TMOD2: variants seen among roughly 807,000 people sequenced by gnomAD.
TMOD2 encodes tropomodulin-2.
TMOD2 carries 22 observed loss-of-function variants against 39.9 expected under a neutral mutation model. The ratio of observed to expected loss-of-function variants is 0.55; its 90% CI spans 0.39 to 0.79. The LOEUF is 0.79. Ranked by LOEUF, TMOD2 falls within the 30% of genes least tolerant of loss-of-function variation. TMOD2 has a pLI of 0.00. For missense variants in TMOD2, 386 were observed against 413.3 expected (o/e 0.93, Z 0.57); for synonymous variants, 123 against 146.1 (o/e 0.84, Z 1.14).
chr15:51,776,987 C>A lies in TMOD2; in HGVS notation c.462C>A (p.Ala154=), dbSNP rs114076275. The change falls in exon 5 of 10, where the codon GCC becomes GCA. Residue 154 remains alanine (A), a synonymous_variant. Transcript: ENST00000249700. The stretch of plus-strand genomic sequence containing the variant: ...ATCCAAAGTTCGATGAAGAAACAGC[C>A]AACAATAAAGGTGGCAAAGGACCTG... ...LNNPKFDEET[A]NNKGGKGPVR... is the part of the protein sequence containing the mutation. 82 of 1,613,856 alleles carry A rather than the reference C, an allele frequency of 5.1e-5. No individual in the cohort carries two copies. The African/African-American group carries it at 9.6e-4, about 19-fold the overall frequency.
chr15:51,808,297 A>C (rs1369954065), intron 9 of TMOD2, 123 bp from the exon 10 acceptor site: 2 of 690,104 alleles, frequency 2.9e-6, no homozygotes, highest in East Asian at 2.8e-5. Flanking sequence ...TTAAGTATTA[A>C]AATTTAAGAT....
chr15:51,798,652 C>T (rs2056068317), intron 8 of TMOD2, among the ~76,000 whole-genome samples: 1 of 152,202 alleles, frequency 6.6e-6, no homozygotes, highest in South Asian at 2.1e-4. Flanking sequence ...TTTATTCAGT[C>T]TCATCATTGT....
chr15:51,768,582 G>A (rs1381881588), intron 3 of TMOD2, among the ~76,000 whole-genome samples, 164 bp downstream of exon 3: 1 of 151,984 alleles, frequency 6.6e-6, no homozygotes, highest in East Asian at 1.9e-4. Flanking sequence ...ATTGGATTCA[G>A]TATTTATTTT....
At position 51,810,495 on chromosome 15, in the gene TMOD2, G is replaced by A. The variant is rs1824484870; in HGVS notation, c.*2041G>A. 1 of 152,048 alleles carries A rather than the reference G, an allele frequency of 6.6e-6. No individual in the cohort carries two copies. The highest frequency in any genetic ancestry group is 2.4e-5 in the African/African-American group (1 of 41,402). The allele number at this position is 152,048 out of a possible 1,614,324, so 9.4% of individuals were successfully genotyped here. ...ACTACAGTGGCTTGAAATTGGCCAT[G>A]GTAGAAATATTTACACCACAGAAAT... On this transcript the variant is annotated 3_prime_UTR_variant, in exon 10 of 10. Transcript: ENST00000249700.
intron 1 of TMOD2, among the ~76,000 whole-genome samples, chr15:51,762,060 A>G (rs1268022823): frequency 6.6e-6 from 1 of 151,802 alleles, no homozygotes; most frequent in Non-Finnish European, 1.5e-5. Flanking sequence ...GAGGCAGGAG[A>G]ATGGCATGAA....
At chr15:51,787,319 A>G (rs1041019414) in intron 7 of TMOD2, among the ~76,000 whole-genome samples, 3 of 152,146 alleles carry the variant, frequency 2.0e-5, no homozygotes, top group Non-Finnish European at 2.9e-5. Flanking sequence ...TGGCATTTCT[A>G]TGCTCACAGT....
chr15:51,752,614 C>G (rs1409817632), intron 1 of TMOD2: 1 of 152,212 alleles, frequency 6.6e-6, no homozygotes, highest in African/African-American at 2.4e-5. Context: ...GTCCCTCCAC[C>G]TCTCTGGGCC....
chr15:51,801,229 T>TCACACA lies in TMOD2; in HGVS notation c.876+2890_876+2891insACACAC, dbSNP rs1391987137. On this transcript the variant is annotated intron_variant, in intron 8 of 9. Coordinates refer to ENST00000249700, the MANE Select transcript of TMOD2 (RefSeq NM_014548.4). The stretch of plus-strand genomic sequence containing the variant: ...TTCATTCTCTCTCCCTCTCTCTCTC[T>TCACACA]CTCTCTCTCACACACACACACACAC... Among the ~76,000 whole-genome samples, 288 of 98,476 alleles carry TCACACA rather than the reference T, an allele frequency of 2.9e-3. 1 individual carries two copies. The highest frequency in any genetic ancestry group is 7.5e-3 in the African/African-American group (158 of 21,034). 64.6% of individuals were successfully genotyped at this position (98,476 alleles called of 152,430 possible). A position where few individuals can be genotyped will look rare whatever the true frequency, so the allele number is the denominator to read the frequency against.
chr15:51,790,550 C>CA (rs2056003540), intron 7 of TMOD2, among the ~76,000 whole-genome samples: 1 of 151,822 alleles, frequency 6.6e-6, no homozygotes, highest in Non-Finnish European at 1.5e-5. Context: ...AGAGACACAA[C>CA]AAAAAAAGAG....
chr15:51,803,113 G>A (rs189494558), intron 8 of TMOD2, among the ~76,000 whole-genome samples: 125 of 151,676 alleles, frequency 8.2e-4, no homozygotes, highest in African/African-American at 2.9e-3. Flanking sequence ...AATAAAAGAT[G>A]GTGGGATAAT....
intron 7 of TMOD2, 109 bp downstream of exon 7, chr15:51,782,937 TAC>T (rs2055941487): frequency 9.9e-7 from 1 of 1,011,854 alleles, no homozygotes; most frequent in African/African-American, 1.6e-5. Flanking sequence ...ACTTACCTTC[TAC>T]ACAGTTAGTG....
intron 4 of TMOD2, among the ~76,000 whole-genome samples, chr15:51,776,324 G>A (rs756193779): frequency 3.9e-5 from 6 of 152,186 alleles, no homozygotes; most frequent in South Asian, 4.1e-4. Flanking sequence ...AGTCAGCCCC[G>A]CATTCATTCT....
intron 7 of TMOD2, among the ~76,000 whole-genome samples, chr15:51,796,530 A>G (rs1260609710): frequency 6.6e-6 from 1 of 152,172 alleles, no homozygotes; most frequent in Non-Finnish European, 1.5e-5. Flanking sequence ...TTATCTGCAG[A>G]GGTTTCAGTG....
chr15:51,757,567 A>G (rs2055751089), intron 1 of TMOD2, among the ~76,000 whole-genome samples: 1 of 152,180 alleles, frequency 6.6e-6, no homozygotes, highest in South Asian at 2.1e-4. Context: ...CTTGCCCACC[A>G]GGACTCCTGG....
chr15:51,782,800 C>T lies in TMOD2; in HGVS notation c.704C>T (p.Ala235Val). 6.2e-7 allele frequency: 1 copy of T among 1,613,992 alleles called. No individual in the cohort carries two copies. Among genetic ancestry groups the T allele is most frequent in the Non-Finnish European group, 8.5e-7 (1 of 1,179,920 alleles). Residue 235 changes from alanine to valine, a missense_variant, in exon 7 of 10, where the codon GCA (alanine) becomes GTA (valine). By Grantham distance (64) the Ala-to-Val change is moderately conservative. Transcript: ENST00000249700. Reference protein sequence around the residue: ...NTHVKKFSLAATRSNDPVAIA... With the variant: ...NTHVKKFSLAVTRSNDPVAIA... The stretch of plus-strand genomic sequence containing the variant: ...CACGTGAAGAAGTTCAGCCTGGCCG[C>T]AACTCGCAGCAATGACCCTGTGGCC...
intron 9 of TMOD2, among the ~76,000 whole-genome samples, chr15:51,807,989 A>G (rs1212121125): frequency 6.6e-6 from 1 of 152,224 alleles, no homozygotes; most frequent in Admixed American, 6.5e-5. Flanking sequence ...AGTTTCAGAA[A>G]CTTTGAACTA....
Position 51,781,106 on chromosome 15 carries a change from G to A in TMOD2, c.556G>A (p.Glu186Lys), listed in dbSNP as rs2055926731. The change falls in exon 6 of 10, where the codon GAA (glutamate) becomes AAA (lysine). Residue 186 changes from glutamate (E) to lysine (K), a missense_variant. By Grantham distance (56) the Glu-to-Lys change is moderately conservative. Transcript: ENST00000249700. ...FEEPPNPTNVEISLQQMKAND... is the reference protein window; with the variant it reads ...FEEPPNPTNVKISLQQMKAND... ...GGAACCACCAAATCCCACAAATGTG[G>A]AAATAAGCCTGCAGCAGATGAAAGC... The A allele has an allele frequency of 6.2e-7, 1 of 1,612,838 alleles. No homozygotes were observed. The highest frequency in any genetic ancestry group is 1.3e-5 in the African/African-American group (1 of 74,894).
chr15:51,759,559 G>T (rs1191586792), intron 1 of TMOD2, among the ~76,000 whole-genome samples: 1 of 152,158 alleles, frequency 6.6e-6, no homozygotes, highest in African/African-American at 2.4e-5. Flanking sequence ...AATGGTCAGA[G>T]AAATAGAAGA....
At chr15:51,772,742 G>T (rs1259859096) in intron 3 of TMOD2, among the ~76,000 whole-genome samples, 3 of 152,040 alleles carry the variant, frequency 2.0e-5, no homozygotes, top group African/African-American at 7.2e-5. Context: ...ATGTCCCCAG[G>T]TCACTACACT....
Sources: allele counts gnomAD v4.1 joint callset (sites outside exome capture counted in the v4.1 genomes callset), GRCh38; gene constraint gnomAD v4.1.1; transcripts MANE v1.5; gene names NCBI Gene and HGNC (gene_info 2026-07-23, HGNC 2026-07-21).